SLC35B4: variants seen among roughly 807,000 people sequenced by gnomAD.
The protein encoded by SLC35B4 is nucleotide sugar transporter SLC35B4.
A neutral mutation model predicts 39.5 loss-of-function variants in SLC35B4; 28 were observed. The observed-to-expected ratio is 0.71, with a 90% CI of 0.53 to 0.97. SLC35B4 has a LOEUF of 0.97. Ranked by LOEUF, SLC35B4 falls within the 50% of genes least tolerant of loss-of-function variation. The pLI is 0.00. For missense variants in SLC35B4, 334 were observed against 414.3 expected, an observed-to-expected ratio of 0.81 and a Z score of 1.68; for synonymous variants, 145 against 150.4, an observed-to-expected ratio of 0.96 and a Z score of 0.26.
chr7:134,304,737 T>A, intron 4 of SLC35B4, 68 bp downstream of exon 4: 1 of 1,246,084 alleles, frequency 8.0e-7, no homozygotes, highest in Admixed American at 1.9e-5. Flanking sequence ...GGAATCCAGG[T>A]GACTAGCTTA....
chr7:134,308,085 C>T (rs1441382066), intron 2 of SLC35B4, among the ~76,000 whole-genome samples: 4 of 152,046 alleles, frequency 2.6e-5, no homozygotes, highest in African/African-American at 9.7e-5. Context: ...GCTCCACCTA[C>T]AGAAAATAAA....
At chr7:134,313,413 GA>G (rs950860885) in intron 1 of SLC35B4, among the ~76,000 whole-genome samples, 2 of 152,004 alleles carry the variant, frequency 1.3e-5, no homozygotes, top group African/African-American at 4.8e-5. Context: ...AATAAAATAG[GA>G]AAAAAAATGT....
intron 8 of SLC35B4, among the ~76,000 whole-genome samples, chr7:134,297,828 G>A (rs1803500098): frequency 6.6e-6 from 1 of 152,210 alleles, no homozygotes; most frequent in African/African-American, 2.4e-5. Context: ...TTGGGCCCAG[G>A]AGCTCGAGAC....
intron 8 of SLC35B4, among the ~76,000 whole-genome samples, chr7:134,298,380 T>G (rs189260957): frequency 2.0e-4 from 30 of 152,310 alleles, no homozygotes; most frequent in Admixed American, 2.0e-3. Context: ...AATTCACGGA[T>G]CTCAGAAACT....
chr7:134,294,846 C>A lies in SLC35B4; in HGVS notation c.983G>T (p.Ser328Ile), dbSNP rs144691434. 5.0e-6 allele frequency: 8 copies of A among 1,613,970 alleles called. No individual in the cohort carries two copies. Among genetic ancestry groups the A allele is most frequent in the Non-Finnish European group, 6.8e-6 (8 of 1,180,006 alleles). Residue 328 changes from serine (S) to isoleucine (I), a missense_variant, in exon 10 of 10, where the codon AGC (serine) becomes ATC (isoleucine). Ser to Ile is a moderately radical substitution (Grantham distance 142, BLOSUM62 -2). Transcript: ENST00000378509. ...GTTKSEPQKD[S>I]KKN is the part of the protein sequence containing the mutation. ...TCCAGACAGGCCTCAGTTCTTCTTG[C>A]TGTCCTTCTGAGGCTCACTTTTTGT...
intron 6 of SLC35B4, among the ~76,000 whole-genome samples, chr7:134,301,462 A>G (rs1330462676): frequency 6.6e-6 from 1 of 152,210 alleles, no homozygotes; most frequent in African/African-American, 2.4e-5. Context: ...GATCGTGAAG[A>G]GACGGATGAC....
At chr7:134,317,088 T>G (rs1585650632), upstream of SLC35B4, 1 of 261,578 alleles carries the variant, frequency 3.8e-6, no homozygotes, top group East Asian at 7.7e-5. Context: ...GGGGACGAGG[T>G]GCCCGGCATG....
intron 1 of SLC35B4, among the ~76,000 whole-genome samples, chr7:134,309,780 T>C (rs1803792876): frequency 6.6e-6 from 1 of 152,232 alleles, no homozygotes; most frequent in Admixed American, 6.5e-5. Flanking sequence ...CTGCAGGAAA[T>C]TGGTCATATG....
rs1344902944 is a variant in SLC35B4, at chr7:134,316,774, C to G, written c.-23G>C. ...CATGGCCGGTGCAGGGTTGGGGAAGCAAGCGCACAGAGTAAGCGCCCGCCT... is the reference window on the plus strand; with the variant it reads ...CATGGCCGGTGCAGGGTTGGGGAAGGAAGCGCACAGAGTAAGCGCCCGCCT... On this transcript the variant is annotated 5_prime_UTR_variant, in exon 1 of 10. Coordinates refer to ENST00000378509, the MANE Select transcript of SLC35B4 (RefSeq NM_032826.5). 1.9e-6 allele frequency: 3 copies of G among 1,543,354 alleles called. No individual in the cohort carries two copies. The highest frequency in any genetic ancestry group is 2.6e-6 in the Non-Finnish European group (3 of 1,146,180).
rs77686460 is a variant in SLC35B4 at position 134,313,247 on chromosome 7, C to A, written c.77+3428G>T. 9.8e-3 allele frequency among the ~76,000 whole-genome samples: 1,489 copies of A among 152,284 alleles called. 20 individuals are homozygous for A. Among genetic ancestry groups the A allele is most frequent in the African/African-American group, 0.034 (1,413 of 41,552 alleles). On this transcript the variant is annotated intron_variant, in intron 1 of 9. Transcript: ENST00000378509. Reference sequence around the variant, plus strand: ...TGTAATCACTAACTGCAAACAGTTTCTCTTACTTTGAATTCTCTTGGCAAA... The same window carrying A: ...TGTAATCACTAACTGCAAACAGTTTATCTTACTTTGAATTCTCTTGGCAAA...
At chr7:134,304,141 C>T (rs1019408985) in intron 4 of SLC35B4, among the ~76,000 whole-genome samples, 8 of 152,186 alleles carry the variant, frequency 5.3e-5, no homozygotes, top group Non-Finnish European at 2.9e-5. Flanking sequence ...GTGGTCACTA[C>T]CAGCTCTGTG....
At chr7:134,311,834 GTGTA>G (rs1803847612) in intron 1 of SLC35B4, among the ~76,000 whole-genome samples, 1 of 152,190 alleles carries the variant, frequency 6.6e-6, no homozygotes, top group Non-Finnish European at 1.5e-5. Flanking sequence ...AGGGCTGAGA[GTGTA>G]TGTGAGTGCA....
Position 134,302,263 on chromosome 7 carries a change from T to TATGA in SLC35B4, c.345-157_345-154dup, listed in dbSNP as rs533920398. Among the ~76,000 whole-genome samples, 1,199 of 152,328 alleles carry TATGA rather than the reference T, an allele frequency of 7.9e-3. 13 individuals are homozygous for TATGA. Among genetic ancestry groups the TATGA allele is most frequent in the African/African-American group, 0.028 (1,152 of 41,572 alleles). ...CCAGCAGAGTCCACAGAAGTATGCA[T>TATGA]ATGAATGAATCAGGATACTGACTAG... On this transcript the variant is annotated intron_variant, in intron 4 of 9. Transcript: ENST00000378509.
intron 8 of SLC35B4, among the ~76,000 whole-genome samples, chr7:134,298,178 T>G (rs1803507811): frequency 6.6e-6 from 1 of 152,202 alleles, no homozygotes; most frequent in Non-Finnish European, 1.5e-5. Context: ...TGAAACTTAG[T>G]TCTGGATCAG....
Position 134,290,444 on chromosome 7 carries a change from G to A in SLC35B4, c.*4389C>T, listed in dbSNP as rs1803308749. The stretch of plus-strand genomic sequence containing the variant: ...TCATTTATTCACATAACATAAGCCA[G>A]ACACTATGCCAGGGGCTGGCGATAC... On this transcript the variant is annotated 3_prime_UTR_variant, in exon 10 of 10. Coordinates refer to ENST00000378509, the MANE Select transcript of SLC35B4 (RefSeq NM_032826.5). 1.3e-5 allele frequency: 2 copies of A among 152,158 alleles called. No individual in the cohort carries two copies. Among genetic ancestry groups the A allele is most frequent in the South Asian group, 4.1e-4 (2 of 4,830 alleles). The allele number at this position is 152,158 out of a possible 1,614,324, so 9.4% of individuals were successfully genotyped here.
intron 1 of SLC35B4, among the ~76,000 whole-genome samples, chr7:134,314,989 T>C (rs983613099): frequency 2.0e-5 from 3 of 152,100 alleles, no homozygotes; most frequent in African/African-American, 7.2e-5. Flanking sequence ...TTCTGTACAA[T>C]AAAATGTCAA....
chr7:134,319,465 T>C (rs938206933), upstream of SLC35B4, among the ~76,000 whole-genome samples: 1 of 152,220 alleles, frequency 6.6e-6, no homozygotes, highest in African/African-American at 2.4e-5. Flanking sequence ...GTTTCCTTAA[T>C]GGGCTCTCCT....
chr7:134,314,294 C>T (rs544763762), intron 1 of SLC35B4, among the ~76,000 whole-genome samples: 1 of 152,292 alleles, frequency 6.6e-6, no homozygotes, highest in East Asian at 1.9e-4. Flanking sequence ...CTTCAAAACT[C>T]TGTGAAGCTG....
At position 134,294,779 on chromosome 7, in the gene SLC35B4, C is replaced by A; in HGVS notation, c.*54G>T. 2 of 1,595,824 alleles carry A rather than the reference C, an allele frequency of 1.3e-6. No individual in the cohort carries two copies. The highest frequency in any genetic ancestry group is 1.1e-5 in the South Asian group (1 of 89,422). On this transcript the variant is annotated 3_prime_UTR_variant, in exon 10 of 10. Transcript: ENST00000378509. ...AACAAAAGCGAAACGGTGGTCAGAC[C>A]TTCACAGGGTCCCACCCTCACGACG...
Sources: allele counts gnomAD v4.1 joint callset (sites outside exome capture counted in the v4.1 genomes callset), GRCh38; gene constraint gnomAD v4.1.1; transcripts MANE v1.5; gene names NCBI Gene and HGNC (gene_info 2026-07-23, HGNC 2026-07-21).